Variants in SPATA13 observed in about 807,000 individuals in gnomAD.
SPATA13 encodes the protein spermatogenesis associated 13.
SPATA13 carries 50 observed loss-of-function variants against 104.0 expected under a neutral mutation model. The ratio of observed to expected loss-of-function variants is 0.48; its 90% CI spans 0.38 to 0.61. The LOEUF is 0.61. Ranked by LOEUF, SPATA13 falls within the 20% of genes least tolerant of loss-of-function variation. SPATA13 has a pLI of 0.00. For missense variants in SPATA13, 1,524 were observed against 1,690.6 expected (o/e 0.90, Z 1.73); for synonymous variants, 606 against 667.5 (o/e 0.91, Z 1.42).
At position 24,245,722 on chromosome 13, in the gene SPATA13, G is replaced by A. The variant is rs1351396171; in HGVS notation, c.1654-3755G>A. On this transcript the variant is annotated intron_variant, in intron 2 of 12. Coordinates refer to ENST00000382108, the MANE Select transcript of SPATA13 (RefSeq NM_001166271.3). Reference sequence around the variant, plus strand: ...TCCTCCTGCCTCGGCCTCCCAAGTAGCTGGGACGACAGGCACATAAAACCG... The same window carrying A: ...TCCTCCTGCCTCGGCCTCCCAAGTAACTGGGACGACAGGCACATAAAACCG... Among the ~76,000 whole-genome samples, 7 of 151,296 alleles carry A rather than the reference G, an allele frequency of 4.6e-5. No homozygotes were observed. In the East Asian group the frequency reaches 1.4e-3, roughly 30 times the overall value.
intron 4 of SPATA13, among the ~76,000 whole-genome samples, chr13:24,274,495 C>T (rs1485100851): frequency 6.6e-6 from 1 of 152,186 alleles, no homozygotes; most frequent in Non-Finnish European, 1.5e-5. Flanking sequence ...GGAAATTGTG[C>T]ATCATGTTTT....
chr13:24,079,184 A>G (rs557160797), intron 3 of SPATA13, among the ~76,000 whole-genome samples: 7 of 152,324 alleles, frequency 4.6e-5, no homozygotes, highest in African/African-American at 1.7e-4. Context: ...ATGTGGGAAC[A>G]CGGGATGTAG....
chr13:24,123,979 C>T (rs989597133), intron 3 of SPATA13, among the ~76,000 whole-genome samples: 2 of 152,152 alleles, frequency 1.3e-5, no homozygotes, highest in Non-Finnish European at 2.9e-5. Context: ...AAGGAAGGCT[C>T]AGGGGCCCTG....
intron 2 of SPATA13, among the ~76,000 whole-genome samples, chr13:24,226,214 G>T (rs1871933439): frequency 6.6e-6 from 1 of 152,214 alleles, no homozygotes; most frequent in Admixed American, 6.5e-5. Flanking sequence ...TCTGTGCCCT[G>T]AGGCTTCAGG....
At chr13:23,999,367 C>CAAAAAAAAA (rs1491475536) in intron 2 of SPATA13, among the ~76,000 whole-genome samples, 1 of 6,596 alleles carries the variant, frequency 1.5e-4, no homozygotes, top group Non-Finnish European at 4.2e-4. Context: ...TCATTTTCTA[C>CAAAAAAAAA]CAAAAAAAAA....
At chr13:24,195,693 C>T (rs1870018277) in intron 1 of SPATA13, among the ~76,000 whole-genome samples, 1 of 152,032 alleles carries the variant, frequency 6.6e-6, no homozygotes, top group Non-Finnish European at 1.5e-5. Flanking sequence ...GATTTTGTTT[C>T]CCTTTCTCTG....
intron 2 of SPATA13, among the ~76,000 whole-genome samples, chr13:23,986,610 A>T (rs1253743332): frequency 3.3e-5 from 5 of 152,172 alleles, no homozygotes. Context: ...TTTACACACA[A>T]GGTTGGGAAA....
At chr13:24,193,365 G>A (rs1233855517) in intron 1 of SPATA13, among the ~76,000 whole-genome samples, 1 of 152,194 alleles carries the variant, frequency 6.6e-6, no homozygotes, top group East Asian at 1.9e-4. Context: ...GAGAACGGAG[G>A]CATTGTTGAC....
chr13:24,085,239 C>G (rs1412691917), intron 3 of SPATA13, among the ~76,000 whole-genome samples: 1 of 152,212 alleles, frequency 6.6e-6, no homozygotes, highest in East Asian at 1.9e-4. Flanking sequence ...TCTCCTGCCT[C>G]AGCCTCCCAA....
Position 24,223,547 on chromosome 13 carries a change from C to G in SPATA13, c.618C>G (p.Ala206=). 6.5e-7 allele frequency: 1 copy of G among 1,549,444 alleles called. No individual in the cohort carries two copies. The highest frequency in any genetic ancestry group is 8.7e-7 in the Non-Finnish European group (1 of 1,147,010). The change falls in exon 2 of 13, where the codon GCC becomes GCG. Residue 206 remains alanine, a synonymous_variant. Transcript: ENST00000382108. ...STHRSRSLRR[A]YGLGRICLLD... ...ACCGCTCCCGCAGCCTCCGCAGAGC[C>G]TACGGCCTGGGCCGCATCTGCCTGC...
chr13:24,156,632 T>C (rs981680011), upstream of SPATA13, among the ~76,000 whole-genome samples: 10 of 152,232 alleles, frequency 6.6e-5, no homozygotes, highest in Non-Finnish European at 1.5e-4. Flanking sequence ...TCTGCTCTAG[T>C]AAACTGTAGA....
chr13:24,209,130 C>T (rs187276676), intron 1 of SPATA13, among the ~76,000 whole-genome samples: 1 of 152,094 alleles, frequency 6.6e-6, no homozygotes, highest in African/African-American at 2.4e-5. Context: ...ACATCATGAG[C>T]CTCTGGCTTA....
intron 4 of SPATA13, among the ~76,000 whole-genome samples, chr13:24,275,997 G>T (rs1317788006): frequency 6.6e-6 from 1 of 152,186 alleles, no homozygotes; most frequent in Non-Finnish European, 1.5e-5. Context: ...ACTACGGTTG[G>T]TGAGAATGTG....
intron 2 of SPATA13, among the ~76,000 whole-genome samples, chr13:24,232,694 A>G (rs752510775): frequency 6.6e-5 from 10 of 152,100 alleles, no homozygotes; most frequent in Non-Finnish European, 1.5e-4. Context: ...GACTACAGAC[A>G]CACAGCACCA....
chr13:24,200,463 G>A (rs530658069), intron 1 of SPATA13, among the ~76,000 whole-genome samples: 53 of 152,146 alleles, frequency 3.5e-4, no homozygotes, highest in South Asian at 2.7e-3. Flanking sequence ...AACCTGAAAC[G>A]TGAAATGCTA....
intron 3 of SPATA13, among the ~76,000 whole-genome samples, chr13:24,150,980 A>G (rs1174735529): frequency 1.3e-5 from 2 of 152,204 alleles, no homozygotes; most frequent in Non-Finnish European, 2.9e-5. Flanking sequence ...TAGGCATTAC[A>G]AAACCCCCAC....
intron 2 of SPATA13, among the ~76,000 whole-genome samples, chr13:23,987,955 T>G (rs1199438501): frequency 1.3e-5 from 2 of 151,964 alleles, no homozygotes; most frequent in African/African-American, 4.8e-5. Flanking sequence ...TCTTTTTTTT[T>G]TTTTTTGAGA....
At chr13:24,218,705 G>C (rs1871395952) in intron 1 of SPATA13, among the ~76,000 whole-genome samples, 1 of 148,364 alleles carries the variant, frequency 6.7e-6, no homozygotes, top group Admixed American at 6.7e-5. Context: ...AACATTATGA[G>C]GGGTTTTTTT....
intron 2 of SPATA13, among the ~76,000 whole-genome samples, chr13:24,244,288 A>C (rs923628329): frequency 6.6e-6 from 1 of 152,190 alleles, no homozygotes; most frequent in African/African-American, 2.4e-5. Flanking sequence ...GCAAAGATCT[A>C]ATCTCTAAAT....
Sources: allele counts gnomAD v4.1 joint callset (sites outside exome capture counted in the v4.1 genomes callset), GRCh38; gene constraint gnomAD v4.1.1; transcripts MANE v1.5; gene names NCBI Gene and HGNC (gene_info 2026-07-23, HGNC 2026-07-21).